The following C5 variants were observed in gnomAD, a reference collection of about 807,000 sequenced individuals.
C5 encodes C3 and PZP-like alpha-2-macroglobulin domain-containing protein 4.
Under a neutral mutation model 218.8 loss-of-function variants are expected in C5, and 140 were observed. The ratio of observed to expected loss-of-function variants is 0.64; its 90% CI spans 0.56 to 0.74. The LOEUF (loss-of-function observed/expected upper bound fraction) is 0.74, where lower values mean the gene tolerates loss of function less well. Ranked by LOEUF, C5 falls within the 30% of genes least tolerant of loss-of-function variation. The pLI, the probability that C5 is intolerant of heterozygous loss-of-function variation, is 0.00. For missense variants in C5, 1,700 were observed against 1,969.6 expected (o/e 0.86, Z 2.59); for synonymous variants, 614 against 682.3 (o/e 0.90, Z 1.56).
chr9:121,049,496 G>GA (rs1369252808), intron 1 of C5, among the ~76,000 whole-genome samples: 3 of 151,972 alleles, frequency 2.0e-5, no homozygotes, highest in Non-Finnish European at 4.4e-5. Flanking sequence ...ATGACAAAAT[G>GA]AAAAAAATTG....
chr9:120,999,900 T>C (rs932535233), intron 20 of C5: 2 of 451,590 alleles, frequency 4.4e-6, no homozygotes, highest in East Asian at 7.1e-5. Context: ...CACTTTAAAA[T>C]GCTGTCAAGT....
At chr9:120,980,379 T>C (rs1334915479) in intron 27 of C5, 125 bp from the exon 28 acceptor site, 4 of 774,670 alleles carry the variant, frequency 5.2e-6, no homozygotes, top group Non-Finnish European at 6.8e-6. Flanking sequence ...ACTGACCTAA[T>C]GGAAATGGAT....
At chr9:121,016,487 T>C (rs1326953703) in intron 14 of C5, 104 bp from the exon 15 acceptor site, 1 of 1,401,760 alleles carries the variant, frequency 7.1e-7, no homozygotes, top group African/African-American at 1.4e-5. Context: ...ACCAGTGAAA[T>C]ACACAGATGA....
Position 121,043,057 on chromosome 9 carries a change from T to C in C5, c.368A>G (p.Asn123Ser). 1 of 1,613,024 alleles carries C rather than the reference T, an allele frequency of 6.2e-7. No individual in the cohort carries two copies. The highest frequency in any genetic ancestry group is 1.1e-5 in the South Asian group (1 of 91,062). Residue 123 changes from asparagine (N) to serine (S), a missense_variant, in exon 3 of 41, where the codon AAT becomes AGT. Transcript: ENST00000223642. Reference sequence around the variant, plus strand: ...GTCTGTATGAATGAAGAGAAATCCATTGTCATAGGTTATTGGCATTCTTTT... The same window carrying C: ...GTCTGTATGAATGAAGAGAAATCCACTGTCATAGGTTATTGGCATTCTTTT... ...KSKRMPITYD[N>S]GFLFIHTDKP...
chr9:121,040,952 CTTTTT>C (rs35536237), intron 3 of C5, among the ~76,000 whole-genome samples: 2 of 129,266 alleles, frequency 1.5e-5, no homozygotes, highest in Non-Finnish European at 1.7e-5. Flanking sequence ...TTTTTTTTCT[CTTTTT>C]TTTTTTTTTT....
intron 17 of C5, among the ~76,000 whole-genome samples, chr9:121,009,995 G>C (rs1186331828): frequency 6.6e-6 from 1 of 152,254 alleles, no homozygotes; most frequent in Non-Finnish European, 1.5e-5. Flanking sequence ...GCTCATCCCA[G>C]TGGTTGGAGC....
At chr9:121,052,079 A>C (rs1232976837), upstream of C5, among the ~76,000 whole-genome samples, 2 of 152,226 alleles carry the variant, frequency 1.3e-5, no homozygotes, top group African/African-American at 4.8e-5. Flanking sequence ...AAAGATTCTC[A>C]ACAGAACTGA....
At chr9:120,974,335 C>A (rs1400478381) in intron 30 of C5, among the ~76,000 whole-genome samples, 4 of 152,218 alleles carry the variant, frequency 2.6e-5, no homozygotes, top group African/African-American at 9.6e-5. Flanking sequence ...CCACCAGCAG[C>A]CTCCCAGACA....
the C5 span, among the ~76,000 whole-genome samples, chr9:121,055,466 G>T: frequency 6.6e-6 from 1 of 152,054 alleles, no homozygotes; most frequent in Non-Finnish European, 1.5e-5. Flanking sequence ...GATGCTTGGG[G>T]AGAGATTCCT....
chr9:121,048,320 G>A (rs758859085), intron 1 of C5, among the ~76,000 whole-genome samples: 1 of 152,222 alleles, frequency 6.6e-6, no homozygotes, highest in Non-Finnish European at 1.5e-5. Flanking sequence ...CACAGCAGGA[G>A]GTGAGCAGTG....
In C5 at chr9:121,008,458, C is replaced by G. The variant is rs1369356308; in HGVS notation, c.2298G>C (p.Arg766=). 1.2e-6 allele frequency: 2 copies of G among 1,613,690 alleles called. No homozygotes were observed. The highest frequency in any genetic ancestry group is 2.7e-5 in the African/African-American group (2 of 74,874). The change falls in exon 18 of 41, where the codon CGG becomes CGC. Residue 766 remains arginine, a synonymous_variant. Coordinates refer to ENST00000223642, the MANE Select transcript of C5 (RefSeq NM_001735.3). ...ACAACCAGCTTTCTGGAAAATAACT[C>G]CGAATTTCTGGCTTGCTTACTGGTA... The part of the protein sequence containing the change: ...TLLPVSKPEI[R]SYFPESWLWE...
the C5 span, among the ~76,000 whole-genome samples, chr9:121,073,336 C>G: frequency 2.3e-4 from 35 of 152,284 alleles, no homozygotes; most frequent in South Asian, 7.2e-3. Flanking sequence ...AATTCTTCCC[C>G]ACCTCCCTAC....
chr9:121,017,995 G>A, intron 12 of C5, 143 bp from the exon 13 acceptor site: 1 of 644,472 alleles, frequency 1.6e-6, no homozygotes, highest in Non-Finnish European at 2.7e-6. Flanking sequence ...GCTCACACCT[G>A]TAATCCTAGC....
rs578177442 is a variant in C5 at position 121,037,946 on chromosome 9, C to G, written c.427G>C (p.Val143Leu). ...TCGTCATTCAACGAATAAACTCTAA[C>G]TTTTACTGTAAGAATAATTGATATA... is the stretch of plus-strand genomic sequence containing the variant. Reference protein sequence around the residue: ...PVYTPDQSVKVRVYSLNDDLK... With the variant: ...PVYTPDQSVKLRVYSLNDDLK... Residue 143 changes from valine (V) to leucine (L), a missense_variant, in exon 4 of 41, where the codon GTT becomes CTT. Physicochemically the swap from Val to Leu is conservative, Grantham distance 32. Transcript: ENST00000223642. 10 of 1,478,702 alleles carry G rather than the reference C, an allele frequency of 6.8e-6. 1 individual carries two copies. The South Asian group carries it at 1.2e-4, about 18-fold the overall frequency. The allele number at this position is 1,478,702 out of a possible 1,614,324, so 91.6% of individuals were successfully genotyped here.
intron 20 of C5, among the ~76,000 whole-genome samples, chr9:121,005,246 G>A (rs1415922943): frequency 6.6e-6 from 1 of 152,164 alleles, no homozygotes; most frequent in Non-Finnish European, 1.5e-5. Context: ...AATCATGGTT[G>A]GAATTGTGTC....
chr9:120,978,127 C>T (rs942020193), intron 28 of C5, among the ~76,000 whole-genome samples: 1 of 151,970 alleles, frequency 6.6e-6, no homozygotes, highest in Non-Finnish European at 1.5e-5. Context: ...TATTTCTTTC[C>T]AATTTAAAGC....
At position 121,017,790 on chromosome 9, in the gene C5, A is replaced by C. The variant is rs2131762434; in HGVS notation, c.1569T>G (p.Tyr523Ter). 6.2e-7 allele frequency: 1 copy of C among 1,613,962 alleles called. No individual in the cohort carries two copies. Among genetic ancestry groups the C allele is most frequent in the South Asian group, 1.1e-5 (1 of 91,080 alleles). ...GTREKFSDAS[Y>*]QSINIPVTQN... is the part of the protein sequence containing the mutation. ...GTGTTACTGGAATGTTTATACTTTG[A>C]TAAGATGCATCTGAAAATTTCTCCC... is the stretch of plus-strand genomic sequence containing the variant. Residue 523 changes from tyrosine to a stop codon, truncating the protein, a stop_gained, in exon 13 of 41, where the codon TAT becomes TAG. Transcript: ENST00000223642. LOFTEE classifies it high-confidence loss of function.
In C5 at chr9:120,974,857, G is replaced by A. The variant is rs774839896; in HGVS notation, c.3939C>T (p.Ile1313=). ...LVKQLRLSMD[I]DVSYKHKGAL... is the part of the protein sequence containing the mutation. ...CACCTTTATGCTTGTAAGAAACATC[G>A]ATGTCCATACTCAAGCGGAGTTGTT... is the stretch of plus-strand genomic sequence containing the variant. Residue 1313 remains isoleucine, a synonymous_variant, in exon 30 of 41, where the codon ATC becomes ATT. Coordinates refer to ENST00000223642, the MANE Select transcript of C5 (RefSeq NM_001735.3). 1.5e-5 allele frequency: 24 copies of A among 1,613,582 alleles called. No individual in the cohort carries two copies. The highest frequency in any genetic ancestry group is 1.6e-4 in the Middle Eastern group (1 of 6,084).
chr9:121,015,895 C>T (rs1359163993), intron 15 of C5, among the ~76,000 whole-genome samples: 1 of 152,174 alleles, frequency 6.6e-6, no homozygotes, highest in Non-Finnish European at 1.5e-5. Flanking sequence ...TCTTACATTG[C>T]TTCTCCAGGC....
Sources: allele counts gnomAD v4.1 joint callset (sites outside exome capture counted in the v4.1 genomes callset), GRCh38; gene constraint gnomAD v4.1.1; transcripts MANE v1.5; gene names NCBI Gene and HGNC (gene_info 2026-07-23, HGNC 2026-07-21).